Variants in CPQ observed in about 807,000 individuals in gnomAD.
The protein encoded by CPQ is carboxypeptidase Q.
A neutral mutation model predicts 45.7 loss-of-function variants in CPQ; 37 were observed. That is an observed-to-expected ratio of 0.81 (90% CI 0.62 to 1.07). The LOEUF (loss-of-function observed/expected upper bound fraction) is 1.07. Ranked by LOEUF, CPQ falls within the 50% of genes least tolerant of loss-of-function variation. The probability of loss-of-function intolerance (pLI) is 0.00; values close to 1 mark genes in which losing one functional copy is unlikely to be tolerated. For synonymous variants in CPQ, 186 were observed against 205.8 expected (o/e 0.90, Z 0.82); for missense variants, 537 against 572.9 (o/e 0.94, Z 0.64).
chr8:96,675,272 A>G (rs1218267965), intron 1 of CPQ, among the ~76,000 whole-genome samples: 1 of 151,888 alleles, frequency 6.6e-6, no homozygotes, highest in Non-Finnish European at 1.5e-5. Context: ...AAGAGAGCAT[A>G]TTCTTTTTTC....
intron 6 of CPQ, among the ~76,000 whole-genome samples, chr8:97,054,834 G>A (rs1331734833): frequency 6.6e-6 from 1 of 152,130 alleles, no homozygotes; most frequent in Non-Finnish European, 1.5e-5. Context: ...TATACTATTC[G>A]GGTTACGGGT....
At chr8:97,094,032 C>T (rs558062171) in intron 7 of CPQ, among the ~76,000 whole-genome samples, 3 of 151,930 alleles carry the variant, frequency 2.0e-5, no homozygotes, top group Non-Finnish European at 4.4e-5. Context: ...TCCTCCTTCT[C>T]TTGTCAAGGG....
intron 1 of CPQ, among the ~76,000 whole-genome samples, chr8:96,782,474 A>G (rs1219814269): frequency 6.6e-6 from 1 of 152,052 alleles, no homozygotes; most frequent in Non-Finnish European, 1.5e-5. Context: ...CCTCTTTGGA[A>G]ACTTTGCCCT....
intron 1 of CPQ, among the ~76,000 whole-genome samples, chr8:96,781,488 C>T (rs1482244995): frequency 3.3e-5 from 5 of 152,158 alleles, no homozygotes; most frequent in Non-Finnish European, 7.4e-5. Flanking sequence ...TTCACGAGGG[C>T]AAATCCATCA....
intron 1 of CPQ, among the ~76,000 whole-genome samples, chr8:96,703,624 A>T (rs1386249986): frequency 6.6e-6 from 1 of 152,098 alleles, no homozygotes; most frequent in Non-Finnish European, 1.5e-5. Context: ...CTATTTGTTG[A>T]GTACTAGCTA....
At chr8:96,709,223 G>C (rs922080116) in intron 1 of CPQ, among the ~76,000 whole-genome samples, 1 of 151,914 alleles carries the variant, frequency 6.6e-6, no homozygotes, top group Non-Finnish European at 1.5e-5. Flanking sequence ...CCAATATGTG[G>C]TTTTTTTAAT....
chr8:96,894,493 A>T (rs1411935054), intron 4 of CPQ, among the ~76,000 whole-genome samples: 1 of 152,188 alleles, frequency 6.6e-6, no homozygotes, highest in Admixed American at 6.6e-5. Context: ...TATGCAAAAA[A>T]GTGTGGAAGT....
chr8:97,042,032 A>C (rs972826235), intron 6 of CPQ, among the ~76,000 whole-genome samples: 2 of 151,962 alleles, frequency 1.3e-5, no homozygotes, highest in South Asian at 4.2e-4. Context: ...CTCTTTTTCT[A>C]TTGATTGGAA....
At position 96,807,842 on chromosome 8, in the gene CPQ, T is replaced by C. The variant is rs139453323; in HGVS notation, c.433+22512T>C. ...GATTGCACTCAGACTCAAACCAACC[T>C]TGAAAACAAAGTACTGTATATCTGT... is the stretch of plus-strand genomic sequence containing the variant. On this transcript the variant is annotated intron_variant, in intron 2 of 7. Coordinates refer to ENST00000220763, the MANE Select transcript of CPQ (RefSeq NM_016134.4). 7.3e-4 allele frequency among the ~76,000 whole-genome samples: 111 copies of C among 152,312 alleles called. 1 individual carries two copies. The East Asian group carries it at 0.017, about 23-fold the overall frequency.
intron 7 of CPQ, among the ~76,000 whole-genome samples, chr8:97,098,867 A>G (rs1209183302): frequency 6.6e-6 from 1 of 152,108 alleles, no homozygotes; most frequent in African/African-American, 2.4e-5. Context: ...GAATTCTACA[A>G]TAGCCTGAGG....
chr8:96,957,692 A>C (rs572500332), intron 4 of CPQ, among the ~76,000 whole-genome samples: 2 of 152,066 alleles, frequency 1.3e-5, no homozygotes, highest in African/African-American at 4.8e-5. Context: ...CCAGCTACTC[A>C]GGAGGATGAG....
intron 5 of CPQ, among the ~76,000 whole-genome samples, chr8:97,009,755 A>G (rs1809449073): frequency 6.6e-6 from 1 of 152,066 alleles, no homozygotes; most frequent in Non-Finnish European, 1.5e-5. Context: ...GGGAGTAACG[A>G]GTGGTAAGTT....
chr8:97,141,350 T>C (rs146749255), intron 7 of CPQ, among the ~76,000 whole-genome samples: 1 of 151,898 alleles, frequency 6.6e-6, no homozygotes, highest in African/African-American at 2.4e-5. Flanking sequence ...GACAAATCCA[T>C]TGAAAAATGG....
rs117541371 is a variant in CPQ, at chr8:97,085,741, T to C, written c.1255+19531T>C. ...CCATGAATAGTTAAATAAATTCTAG[T>C]ATAGGAGCCACCTAGAGGAGTTGTT... On this transcript the variant is annotated intron_variant, in intron 7 of 7. Transcript: ENST00000220763. Among the ~76,000 whole-genome samples, 107 of 152,292 alleles carry C rather than the reference T, an allele frequency of 7.0e-4. No individual in the cohort carries two copies. In the East Asian group the frequency reaches 0.018, roughly 25 times the overall value.
At chr8:96,694,145 A>G (rs1159835665) in intron 1 of CPQ, among the ~76,000 whole-genome samples, 1 of 152,146 alleles carries the variant, frequency 6.6e-6, no homozygotes, top group Non-Finnish European at 1.5e-5. Flanking sequence ...AAATTAAAAC[A>G]TAGCACCAGA....
At chr8:96,853,486 A>G (rs1382907316) in intron 3 of CPQ, among the ~76,000 whole-genome samples, 1 of 152,090 alleles carries the variant, frequency 6.6e-6, no homozygotes, top group Non-Finnish European at 1.5e-5. Flanking sequence ...TGGTCACTTA[A>G]CAGACCTTCT....
At chr8:96,713,843 C>A (rs1298363552) in intron 1 of CPQ, among the ~76,000 whole-genome samples, 1 of 152,196 alleles carries the variant, frequency 6.6e-6, no homozygotes, top group Non-Finnish European at 1.5e-5. Flanking sequence ...GTGGTAGTGA[C>A]AAACTCCTTC....
intron 1 of CPQ, among the ~76,000 whole-genome samples, chr8:96,741,933 G>GA (rs1184440302): frequency 1.4e-5 from 2 of 143,596 alleles, no homozygotes; most frequent in African/African-American, 2.6e-5. Flanking sequence ...GTGTGGTGCT[G>GA]AAAAAAATGT....
At chr8:97,008,604 G>C (rs888248616) in intron 5 of CPQ, among the ~76,000 whole-genome samples, 1 of 152,132 alleles carries the variant, frequency 6.6e-6, no homozygotes, top group Admixed American at 6.5e-5. Flanking sequence ...GGGAATCCAC[G>C]TGTACAATGG....
Sources: gnomAD v4.1 joint callset for allele counts (sites outside exome capture counted in the v4.1 genomes callset) on GRCh38, gnomAD v4.1.1 for gene constraint, MANE v1.5 for transcripts, NCBI Gene and HGNC (gene_info 2026-07-23, HGNC 2026-07-21) for gene names.